Variants in CA10 observed in about 807,000 individuals in gnomAD.
CA10 encodes carbonic anhydrase 10 (inactive).
Under a neutral mutation model 44.2 loss-of-function variants are expected in CA10, and 14 were observed. That is an observed-to-expected ratio of 0.32 (90% confidence interval 0.21 to 0.50). The LOEUF (loss-of-function observed/expected upper bound fraction) is 0.50. CA10 is among the 20% of genes least tolerant of loss of function. CA10 has a pLI of 0.99. For synonymous variants in CA10, 159 were observed against 141.6 expected (o/e 1.12, Z -0.87); for missense variants, 350 against 409.7 (o/e 0.85, Z 1.26).
At chr17:51,830,202 AAAAAAAAAAAAAAAG>A (rs1908184101) in intron 3 of CA10, among the ~76,000 whole-genome samples, 1 of 150,568 alleles carries the variant, frequency 6.6e-6, no homozygotes, top group Non-Finnish European at 1.5e-5. Flanking sequence ...TCTCAAAAAA[AAAAAAAAAAAAAAAG>A]AAAAAGAAAA....
chr17:51,963,457 A>G (rs1983966434), intron 2 of CA10, among the ~76,000 whole-genome samples: 1 of 151,670 alleles, frequency 6.6e-6, no homozygotes, highest in Non-Finnish European at 1.5e-5. Context: ...TCACCAAAGC[A>G]GTTACCCACC....
chr17:52,135,173 G>C, intron 1 of CA10: 3 of 352,228 alleles, frequency 8.5e-6, no homozygotes, highest in South Asian at 6.4e-5. Flanking sequence ...GGTCAGACAT[G>C]CCTCAGTATA....
chr17:51,869,042 C>T (rs751195673), intron 3 of CA10, among the ~76,000 whole-genome samples: 8 of 151,682 alleles, frequency 5.3e-5, no homozygotes, highest in Non-Finnish European at 1.2e-4. Context: ...CCTCTAAAGC[C>T]GTTCAAAATA....
At chr17:51,957,976 T>C (rs1983730028) in intron 2 of CA10, among the ~76,000 whole-genome samples, 1 of 151,964 alleles carries the variant, frequency 6.6e-6, no homozygotes, top group Non-Finnish European at 1.5e-5. Flanking sequence ...CTCTGTAAAA[T>C]ACAGCACTCA....
At chr17:52,116,192 T>A (rs1361835069) in intron 1 of CA10, among the ~76,000 whole-genome samples, 2 of 152,246 alleles carry the variant, frequency 1.3e-5, no homozygotes, top group East Asian at 3.9e-4. Context: ...CTTAAACTAT[T>A]ATTATTTTCT....
At chr17:52,100,780 C>G (rs772695445) in intron 1 of CA10, among the ~76,000 whole-genome samples, 3 of 152,140 alleles carry the variant, frequency 2.0e-5, no homozygotes, top group African/African-American at 4.8e-5. Context: ...TCAAGCCTTT[C>G]CTGATATCCA....
At chr17:51,828,200 G>T (rs528426901) in intron 3 of CA10, among the ~76,000 whole-genome samples, 1 of 152,250 alleles carries the variant, frequency 6.6e-6, no homozygotes, top group South Asian at 2.1e-4. Flanking sequence ...GAGGTCTAAG[G>T]GGGTGGCCTA....
intron 2 of CA10, among the ~76,000 whole-genome samples, chr17:51,945,266 G>A (rs1156560833): frequency 6.6e-6 from 1 of 152,076 alleles, no homozygotes; most frequent in Non-Finnish European, 1.5e-5. Context: ...TTTAGAGACG[G>A]CATTTTATGT....
chr17:51,834,434 T>C (rs905348835), intron 3 of CA10, among the ~76,000 whole-genome samples: 1 of 152,352 alleles, frequency 6.6e-6, no homozygotes, highest in East Asian at 1.9e-4. Flanking sequence ...CTGAAAGACA[T>C]CATCTGTACA....
chr17:51,781,227 T>C (rs1232459755), intron 3 of CA10, among the ~76,000 whole-genome samples: 1 of 152,160 alleles, frequency 6.6e-6, no homozygotes, highest in Non-Finnish European at 1.5e-5. Context: ...AAAATGGGAA[T>C]AAAAATAATT....
intron 3 of CA10, among the ~76,000 whole-genome samples, chr17:51,767,241 G>A (rs1905418465): frequency 1.3e-5 from 2 of 152,100 alleles, no homozygotes; most frequent in African/African-American, 4.8e-5. Context: ...AGAAGAAGAG[G>A]GGAGTTTCAC....
chr17:51,991,137 G>C (rs893827284), intron 2 of CA10, among the ~76,000 whole-genome samples: 2 of 152,052 alleles, frequency 1.3e-5, no homozygotes, highest in Non-Finnish European at 2.9e-5. Flanking sequence ...TTATCACCTA[G>C]GGTTTCTGAC....
chr17:51,714,718 A>G (rs1405724154), intron 4 of CA10, among the ~76,000 whole-genome samples: 1 of 152,194 alleles, frequency 6.6e-6, no homozygotes, highest in Non-Finnish European at 1.5e-5. Flanking sequence ...ATGGAGAGAG[A>G]AGAAGGAATT....
chr17:52,032,846 T>C (rs371710093), intron 2 of CA10, among the ~76,000 whole-genome samples: 2 of 152,152 alleles, frequency 1.3e-5, no homozygotes, highest in South Asian at 4.1e-4. Flanking sequence ...GGGTCAGCAT[T>C]GATTCATTAT....
chr17:51,732,213 A>T (rs769060796), intron 4 of CA10, among the ~76,000 whole-genome samples: 23 of 152,192 alleles, frequency 1.5e-4, no homozygotes, highest in Non-Finnish European at 3.1e-4. Flanking sequence ...GAGGGAGAAC[A>T]ATGTTAGCAG....
chr17:52,109,469 C>A (rs1988743983), intron 1 of CA10, among the ~76,000 whole-genome samples: 1 of 152,172 alleles, frequency 6.6e-6, no homozygotes. Context: ...AGTGTGAGTA[C>A]CTTCCAGAAC....
At chr17:51,642,768 G>T (rs911746805) in intron 6 of CA10, among the ~76,000 whole-genome samples, 1 of 151,968 alleles carries the variant, frequency 6.6e-6, no homozygotes, top group African/African-American at 2.4e-5. Context: ...TCAGCCTCCC[G>T]AGTAGCTGGG....
chr17:52,032,681 A>G (rs959611255), intron 2 of CA10, among the ~76,000 whole-genome samples: 2 of 152,162 alleles, frequency 1.3e-5, no homozygotes, highest in African/African-American at 4.8e-5. Context: ...TTCCTTCTGC[A>G]TGACAAAGGA....
intron 3 of CA10, among the ~76,000 whole-genome samples, chr17:51,918,114 G>A (rs538821161): frequency 3.4e-4 from 52 of 152,276 alleles, no homozygotes; most frequent in Admixed American, 5.9e-4. Context: ...AATAAATGAC[G>A]TGAGAGTCAA....
Sources: gnomAD v4.1 joint callset for allele counts (sites outside exome capture counted in the v4.1 genomes callset) on GRCh38, gnomAD v4.1.1 for gene constraint, MANE v1.5 for transcripts, NCBI Gene and HGNC (gene_info 2026-07-23, HGNC 2026-07-21) for gene names.